The following PLCB1 variants were observed in gnomAD, a reference collection of about 807,000 sequenced individuals.
The protein encoded by PLCB1 is 1-phosphatidylinositol 4,5-bisphosphate phosphodiesterase beta-1.
Under a neutral mutation model 161.8 loss-of-function variants are expected in PLCB1, and 46 were observed. That is an observed-to-expected ratio of 0.28 (90% confidence interval 0.22 to 0.36). The LOEUF (loss-of-function observed/expected upper bound fraction) is 0.36, where lower values mean the gene tolerates loss of function less well. PLCB1 is among the 10% of genes least tolerant of loss of function. PLCB1 has a pLI of 1.00. For synonymous variants in PLCB1, 517 were observed against 503.7 expected (o/e 1.03, Z -0.35); for missense variants, 1,016 against 1,472.5 (o/e 0.69, Z 5.07).
intron 27 of PLCB1, among the ~76,000 whole-genome samples, chr20:8,778,967 A>G (rs957089530): frequency 6.6e-6 from 1 of 152,188 alleles, no homozygotes; most frequent in Non-Finnish European, 1.5e-5. Flanking sequence ...TGTTAGTTCT[A>G]TCTTTGCTGG....
At chr20:8,151,139 T>C (rs2051504065) in intron 2 of PLCB1, among the ~76,000 whole-genome samples, 1 of 152,172 alleles carries the variant, frequency 6.6e-6, no homozygotes, top group Non-Finnish European at 1.5e-5. Context: ...ATGTTTTTGT[T>C]CTCTAAGTTT....
chr20:8,736,944 G>T, intron 19 of PLCB1, 84 bp from the exon 20 acceptor site: 1 of 995,828 alleles, frequency 1.0e-6, no homozygotes, highest in Non-Finnish European at 1.5e-6. Flanking sequence ...AAGAGCATTT[G>T]TGGCTCTTTA....
At chr20:8,617,358 T>C (rs1294235918) in intron 3 of PLCB1, among the ~76,000 whole-genome samples, 1 of 152,192 alleles carries the variant, frequency 6.6e-6, no homozygotes, top group African/African-American at 2.4e-5. Context: ...CACTTTCTAA[T>C]TATTTTATTA....
At chr20:8,408,050 C>G (rs1978863473) in intron 3 of PLCB1, among the ~76,000 whole-genome samples, 1 of 151,968 alleles carries the variant, frequency 6.6e-6, no homozygotes, top group African/African-American at 2.4e-5. Flanking sequence ...GACACTAGGT[C>G]AAAACTAAGG....
chr20:8,785,766 T>A (rs1983452832), intron 27 of PLCB1, among the ~76,000 whole-genome samples: 1 of 152,130 alleles, frequency 6.6e-6, no homozygotes, highest in Non-Finnish European at 1.5e-5. Context: ...TGGAGGCCGA[T>A]GCTGCTGAGG....
intron 3 of PLCB1, among the ~76,000 whole-genome samples, chr20:8,390,700 G>A (rs894523075): frequency 6.6e-6 from 1 of 152,156 alleles, no homozygotes; most frequent in African/African-American, 2.4e-5. Context: ...TACAGAATAT[G>A]TTGATTTGGC....
chr20:8,523,934 C>T (rs924822210), intron 3 of PLCB1, among the ~76,000 whole-genome samples: 1 of 151,782 alleles, frequency 6.6e-6, no homozygotes, highest in African/African-American at 2.4e-5. Context: ...ATCAACTGGG[C>T]GGAGTTAATA....
chr20:8,819,664 G>T (rs1033283295), intron 31 of PLCB1, among the ~76,000 whole-genome samples: 1 of 151,928 alleles, frequency 6.6e-6, no homozygotes, highest in African/African-American at 2.4e-5. Context: ...GACCCACCCC[G>T]CCCAGATACC....
At chr20:8,533,312 C>T (rs1984897444) in intron 3 of PLCB1, among the ~76,000 whole-genome samples, 1 of 150,606 alleles carries the variant, frequency 6.6e-6, no homozygotes, top group South Asian at 2.1e-4. Context: ...TGAATAATGC[C>T]GCAATAAACA....
chr20:8,671,932 A>T (rs1277573490), intron 9 of PLCB1, among the ~76,000 whole-genome samples: 1 of 152,240 alleles, frequency 6.6e-6, no homozygotes, highest in African/African-American at 2.4e-5. Flanking sequence ...TGAAAATGGT[A>T]ATTTAAAAGT....
intron 3 of PLCB1, among the ~76,000 whole-genome samples, chr20:8,396,331 C>A (rs1405733849): frequency 1.3e-5 from 2 of 151,960 alleles, no homozygotes; most frequent in Non-Finnish European, 2.9e-5. Context: ...CAAAATATTT[C>A]TTTTAATCCA....
chr20:8,208,537 A>G (rs2123139621), intron 2 of PLCB1, among the ~76,000 whole-genome samples: 1 of 151,996 alleles, frequency 6.6e-6, no homozygotes, highest in East Asian at 1.9e-4. Flanking sequence ...TTTTTTTTCA[A>G]ATTAATTAAA....
At chr20:8,601,081 G>A (rs1055756248) in intron 3 of PLCB1, among the ~76,000 whole-genome samples, 3 of 152,210 alleles carry the variant, frequency 2.0e-5, no homozygotes, top group Non-Finnish European at 4.4e-5. Flanking sequence ...CACGCTGGGA[G>A]CTGTAGACCG....
At position 8,132,807 on chromosome 20, in the gene PLCB1, CGT is replaced by C. The variant is rs1157537681; in HGVS notation, c.99+58_99+59del. On this transcript the variant is annotated intron_variant, in intron 1 of 31. Transcript: ENST00000338037. The surrounding 1 kb of genome is among the most constrained non-coding windows in gnomAD (Gnocchi z 5.2). The stretch of plus-strand genomic sequence containing the variant: ...TGGCTCGGGCACCGGGCAGGGCGGG[CGT>C]CGTGGGGGTGGGGCAAGGGGCGCGT... 8.2e-7 allele frequency: 1 copy of C among 1,226,386 alleles called. No individual in the cohort carries two copies. Among genetic ancestry groups the C allele is most frequent in the Non-Finnish European group, 1.2e-6 (1 of 840,960 alleles). The allele number at this position is 1,226,386 out of a possible 1,614,324, so 76.0% of individuals were successfully genotyped here.
At chr20:8,332,467 CATATTATCA>C (rs1270704356) in intron 2 of PLCB1, among the ~76,000 whole-genome samples, 1 of 152,182 alleles carries the variant, frequency 6.6e-6, no homozygotes, top group Non-Finnish European at 1.5e-5. Context: ...TCACTTGTGG[CATATTATCA>C]ATAATCAAAA....
chr20:8,452,906 A>C (rs775962545), intron 3 of PLCB1, among the ~76,000 whole-genome samples: 10 of 152,202 alleles, frequency 6.6e-5, no homozygotes, highest in Non-Finnish European at 1.5e-4. Flanking sequence ...ATCATCAACA[A>C]CACCATGTTT....
chr20:8,685,943 T>G (rs2123401973), intron 10 of PLCB1, among the ~76,000 whole-genome samples: 1 of 152,240 alleles, frequency 6.6e-6, no homozygotes, highest in South Asian at 2.1e-4. Flanking sequence ...TGCACCCTTC[T>G]CAGAATGCTA....
At chr20:8,474,828 A>G (rs1568690091) in intron 3 of PLCB1, among the ~76,000 whole-genome samples, 1 of 152,178 alleles carries the variant, frequency 6.6e-6, no homozygotes, top group Non-Finnish European at 1.5e-5. Context: ...AAGTGTGACC[A>G]CAATTGATGA....
chr20:8,555,280 A>T (rs111940726), intron 3 of PLCB1, among the ~76,000 whole-genome samples: 157 of 152,188 alleles, frequency 1.0e-3, no homozygotes, highest in African/African-American at 3.6e-3. Flanking sequence ...TTCAAAAGGC[A>T]AGGTAGGCAA....
Sources: gnomAD v4.1 joint callset for allele counts (sites outside exome capture counted in the v4.1 genomes callset) on GRCh38, gnomAD v4.1.1 for gene constraint, Gnocchi (gnomAD v3.1) non-coding constraint, MANE v1.5 for transcripts, NCBI Gene and HGNC (gene_info 2026-07-23, HGNC 2026-07-21) for gene names.